CFAP44: variants seen among roughly 807,000 people sequenced by gnomAD.
CFAP44 encodes cilia- and flagella-associated protein 44.
A neutral mutation model predicts 216.2 loss-of-function variants in CFAP44; 134 were observed. That is an observed-to-expected ratio of 0.62 (90% CI 0.54 to 0.72). The LOEUF is 0.72. CFAP44 is among the 30% of genes least tolerant of loss of function. The pLI is 0.00. For missense variants in CFAP44, 2,035 were observed against 2,182.1 expected, an observed-to-expected ratio of 0.93 and a Z score of 1.34; for synonymous variants, 700 against 727.6, an observed-to-expected ratio of 0.96 and a Z score of 0.61.
chr3:113,294,735 A>G lies in CFAP44; in HGVS notation c.5325T>C (p.Ile1775=). The part of the protein sequence containing the change: ...RKLYQMNDLC[I]EKKKLDSRLN... ...ACCGAGAATCAAGTTTCTTCTTTTC[A>G]ATACACAAATCATTCATCTGATAAA... The change falls in exon 34 of 35, where the codon ATT becomes ATC. Residue 1775 remains isoleucine (I), a synonymous_variant. Coordinates refer to ENST00000393845, the MANE Select transcript of CFAP44 (RefSeq NM_001164496.2). 6.5e-7 allele frequency: 1 copy of G among 1,536,422 alleles called. No homozygotes were observed. The highest frequency in any genetic ancestry group is 1.2e-5 in the South Asian group (1 of 83,764).
In CFAP44 at chr3:113,344,529, G is replaced by GCTGT. The variant is rs746781518; in HGVS notation, c.3245_3248dup (p.Ser1083ArgfsTer27). On this transcript the variant is annotated frameshift_variant, in exon 23 of 35. Coordinates refer to ENST00000393845, the MANE Select transcript of CFAP44 (RefSeq NM_001164496.2). LOFTEE classifies it high-confidence loss of function. ...GTCATAGGCTACCTGCATCTCTCTG[G>GCTGT]CTGTCCTTTCTTCCAGGTCCCTCTT... 1 of 1,536,590 alleles carries GCTGT rather than the reference G, an allele frequency of 6.5e-7. No homozygotes were observed. The highest frequency in any genetic ancestry group is 8.7e-7 in the Non-Finnish European group (1 of 1,146,656).
intron 32 of CFAP44, among the ~76,000 whole-genome samples, chr3:113,298,884 GAA>G (rs1576535040): frequency 6.6e-6 from 1 of 152,202 alleles, no homozygotes; most frequent in Non-Finnish European, 1.5e-5. Flanking sequence ...TTGGGAAGAT[GAA>G]AAGTGTTCTG....
rs1933598483 is a variant in CFAP44, at chr3:113,384,553, TGATGTCTTTATAA to T, written c.1891-3506_1891-3494del. Among the ~76,000 whole-genome samples, 3 of 152,206 alleles carry T rather than the reference TGATGTCTTTATAA, an allele frequency of 2.0e-5. No individual in the cohort carries two copies. In the South Asian group the frequency reaches 6.2e-4, roughly 32 times the overall value. On this transcript the variant is annotated intron_variant, in intron 15 of 34. Coordinates refer to ENST00000393845, the MANE Select transcript of CFAP44 (RefSeq NM_001164496.2). ...GGGTGGGCCCTTAATCCAATATGAT[TGATGTCTTTATAA>T]GAAAAGGGGATTAAGACACAGACAA...
At position 113,379,342 on chromosome 3, in the gene CFAP44, T is replaced by A; in HGVS notation, c.2262A>T (p.Gly754=). Residue 754 remains glycine, a synonymous_variant, in exon 17 of 35, where the codon GGA becomes GGT. Transcript: ENST00000393845. Reference sequence around the variant, plus strand: ...AGAACTTCCCTGGCTCTGAGTAAAATCCACAGAGGATGGGAGAGGGGGTTG... The same window carrying A: ...AGAACTTCCCTGGCTCTGAGTAAAAACCACAGAGGATGGGAGAGGGGGTTG... The part of the protein sequence containing the change: ...IPSTPSPILC[G]FYSEPGKFWV... 1.2e-6 allele frequency: 2 copies of A among 1,605,130 alleles called. No individual in the cohort carries two copies. The highest frequency in any genetic ancestry group is 1.7e-6 in the Non-Finnish European group (2 of 1,173,822).
chr3:113,327,724 G>A lies in CFAP44; in HGVS notation c.4212C>T (p.His1404=). Residue 1404 remains histidine (H), a synonymous_variant, in exon 27 of 35, where the codon CAC becomes CAT. Coordinates refer to ENST00000393845, the MANE Select transcript of CFAP44 (RefSeq NM_001164496.2). ...LDTQMKLSDL[H]HVTLFQEILL... is the part of the protein sequence containing the mutation. ...GTATTTCTTGAAATAAGGTGACATG[G>A]TGCAGGTCAGATAATTTCATCTGAG... The A allele has an allele frequency of 6.5e-7, 1 of 1,536,852 alleles. No individual in the cohort carries two copies. Among genetic ancestry groups the A allele is most frequent in the Non-Finnish European group, 8.7e-7 (1 of 1,146,616 alleles).
At position 113,308,145 on chromosome 3, in the gene CFAP44, T is replaced by C. The variant is rs1249331057; in HGVS notation, c.4627+13A>G. 7.2e-6 allele frequency: 11 copies of C among 1,526,348 alleles called. No homozygotes were observed. In the East Asian group the frequency reaches 2.7e-4, roughly 37 times the overall value. The allele number at this position is 1,526,348 out of a possible 1,614,324, so 94.6% of individuals were successfully genotyped here. On this transcript the variant is annotated intron_variant, in intron 29 of 34. Coordinates refer to ENST00000393845, the MANE Select transcript of CFAP44 (RefSeq NM_001164496.2). ...CACACTTCACAGAGAACACGTGGTT[T>C]TATCTAACTTACTTGTTGGGCAAAT...
intron 15 of CFAP44, among the ~76,000 whole-genome samples, chr3:113,384,385 C>A (rs1444123413): frequency 6.6e-6 from 1 of 152,042 alleles, no homozygotes; most frequent in Non-Finnish European, 1.5e-5. Flanking sequence ...TAAGCTTGAG[C>A]TCTTATAGTT....
At position 113,379,364 on chromosome 3, in the gene CFAP44, G is replaced by A. The variant is rs987477229; in HGVS notation, c.2240C>T (p.Thr747Ile). ...EPLPEIFIPS[T>I]PSPILCGFYS... ...AAATCCACAGAGGATGGGAGAGGGG[G>A]TTGACGGAATAAATATTTCAGGTAA... Residue 747 changes from threonine (T) to isoleucine (I), a missense_variant, in exon 17 of 35, where the codon ACC becomes ATC. By Grantham distance (89) the Thr-to-Ile change is moderately conservative. Coordinates refer to ENST00000393845, the MANE Select transcript of CFAP44 (RefSeq NM_001164496.2). 3.7e-6 allele frequency: 6 copies of A among 1,612,826 alleles called. No homozygotes were observed. The African/African-American group carries it at 6.7e-5, about 18-fold the overall frequency.
At chr3:113,428,313 C>T (rs559725644) in intron 2 of CFAP44, among the ~76,000 whole-genome samples, 1 of 152,178 alleles carries the variant, frequency 6.6e-6, no homozygotes, top group African/African-American at 2.4e-5. Context: ...AAGGTGATCA[C>T]AGATTAATGA....
intron 2 of CFAP44, 175 bp from the exon 3 acceptor site, chr3:113,427,514 A>C: frequency 3.8e-6 from 2 of 520,064 alleles, no homozygotes; most frequent in South Asian, 6.1e-5. Flanking sequence ...AAAATAAGAA[A>C]GCCTTTTCTG....
intron 17 of CFAP44, among the ~76,000 whole-genome samples, chr3:113,376,465 C>T (rs9820386): frequency 0.23 from 35,574 of 152,088 alleles, 4,408 homozygotes; most frequent in East Asian, 0.41. Context: ...GGCCCAAGGC[C>T]GCACTCTGGA....
intron 22 of CFAP44, among the ~76,000 whole-genome samples, chr3:113,353,605 C>A (rs1950466153): frequency 6.6e-6 from 1 of 152,060 alleles, no homozygotes; most frequent in African/African-American, 2.4e-5. Flanking sequence ...TAGCAGGTAG[C>A]AATCTGGTTA....
intron 15 of CFAP44, among the ~76,000 whole-genome samples, chr3:113,393,291 A>T (rs750789406): frequency 6.6e-6 from 1 of 152,236 alleles, no homozygotes; most frequent in African/African-American, 2.4e-5. Flanking sequence ...CTTTTAAATT[A>T]TGCTGAGTGT....
chr3:113,336,841 A>G (rs1357872831), intron 24 of CFAP44, among the ~76,000 whole-genome samples: 1 of 151,976 alleles, frequency 6.6e-6, no homozygotes, highest in Non-Finnish European at 1.5e-5. Flanking sequence ...ATATAAAAGT[A>G]TAGGTAGATT....
At chr3:113,325,626 G>T (rs1950182952) in intron 28 of CFAP44, among the ~76,000 whole-genome samples, 1 of 151,930 alleles carries the variant, frequency 6.6e-6, no homozygotes, top group Admixed American at 6.6e-5. Flanking sequence ...ATGTAGTAAA[G>T]ATACCAGTTG....
intron 18 of CFAP44, among the ~76,000 whole-genome samples, chr3:113,371,020 C>A (rs989896194): frequency 5.9e-5 from 9 of 152,138 alleles, no homozygotes; most frequent in Non-Finnish European, 1.3e-4. Flanking sequence ...ATCCAACTTA[C>A]AAGGGATGTG....
chr3:113,418,057 A>AATTTATTTATTTATTT (rs71299331), intron 5 of CFAP44, among the ~76,000 whole-genome samples: 3,090 of 148,924 alleles, frequency 0.021, 73 homozygotes, highest in African/African-American at 0.041. Flanking sequence ...ATTGAGACAC[A>AATTTATTTATTTATTT]ATTTATTTAT....
At chr3:113,398,509 G>T (rs903394606) in intron 13 of CFAP44, among the ~76,000 whole-genome samples, 1 of 152,136 alleles carries the variant, frequency 6.6e-6, no homozygotes, top group East Asian at 1.9e-4. Flanking sequence ...AACATTACAC[G>T]ATCATCTGAA....
At chr3:113,341,647 AATG>A in intron 24 of CFAP44, 94 bp downstream of exon 24, 1 of 1,233,168 alleles carries the variant, frequency 8.1e-7, no homozygotes, top group Non-Finnish European at 1.1e-6. Flanking sequence ...TTTGATTTTA[AATG>A]ATAACAATGT....
Sources: gnomAD v4.1 joint callset for allele counts (sites outside exome capture counted in the v4.1 genomes callset) on GRCh38, gnomAD v4.1.1 for gene constraint, MANE v1.5 for transcripts, NCBI Gene and HGNC (gene_info 2026-07-23, HGNC 2026-07-21) for gene names.